Variants in PCNX4 observed in about 807,000 individuals in gnomAD.
PCNX4 encodes the protein pecanex 4.
Under a neutral mutation model 107.2 loss-of-function variants are expected in PCNX4, and 103 were observed. The ratio of observed to expected loss-of-function variants is 0.96; its 90% CI spans 0.82 to 1.13. The LOEUF is 1.13. Among genes scored for constraint, PCNX4 ranks in the 50% most tolerant of loss-of-function variants. The pLI is 0.00. For missense variants in PCNX4, 1,528 were observed against 1,379.4 expected (o/e 1.11, Z -1.71); for synonymous variants, 541 against 481.7 (o/e 1.12, Z -1.61).
In PCNX4 at chr14:60,114,854, G is replaced by A. The variant is rs772105823; in HGVS notation, c.844G>A (p.Gly282Ser). 1.5e-5 allele frequency: 24 copies of A among 1,612,700 alleles called. No homozygotes were observed. Among genetic ancestry groups the A allele is most frequent in the Non-Finnish European group, 2.0e-5 (24 of 1,179,430 alleles). Residue 282 changes from glycine to serine, a missense_variant, in exon 3 of 11, where the codon GGC becomes AGC. By Grantham distance (56) the Gly-to-Ser change is moderately conservative. Transcript: ENST00000406854. ...GCAGGTTTTAGAGTTCGGCCTTGGA[G>A]GCTCATCTATGTCAACCCACTTACG... Reference protein sequence around the residue: ...MEQVLEFGLGGSSMSTHLRLL... With the variant: ...MEQVLEFGLGSSSMSTHLRLL...
Position 60,115,184 on chromosome 14 carries a change from C to G in PCNX4, c.1080C>G (p.Ile360Met). 6.2e-7 allele frequency: 1 copy of G among 1,613,474 alleles called. No individual in the cohort carries two copies. Among genetic ancestry groups the G allele is most frequent in the Non-Finnish European group, 8.5e-7 (1 of 1,179,456 alleles). ...CATGGAAGGAATGCCTTTTCTACAT[C>G]ATTATATTAGTCTTGGCTCTTTTAG... is the stretch of plus-strand genomic sequence containing the variant. ...HFSWKECLFY[I>M]IILVLALLET... is the part of the protein sequence containing the mutation. The change falls in exon 4 of 11, where the codon ATC (isoleucine) becomes ATG (methionine). Residue 360 changes from isoleucine to methionine, a missense_variant. By Grantham distance (10) the Ile-to-Met change is conservative. Coordinates refer to ENST00000406854, the MANE Select transcript of PCNX4 (RefSeq NM_001330177.2).
chr14:60,133,594 A>G (rs1025747075), intron 10 of PCNX4: 1 of 450,742 alleles, frequency 2.2e-6, no homozygotes, highest in Admixed American at 2.6e-5. Flanking sequence ...TGGAATGTGA[A>G]TTATATCTCA....
At position 60,118,408 on chromosome 14, in the gene PCNX4, C is replaced by T. The variant is rs369608124; in HGVS notation, c.1658C>T (p.Thr553Ile). The stretch of plus-strand genomic sequence containing the variant: ...GTGACTGTGCTTTTGACATCATGGA[C>T]AGAGAAAAAACAACGTCGAAAAACA... ...FAVTVLLTSW[T>I]EKKQRRKTTA... is the part of the protein sequence containing the mutation. Residue 553 changes from threonine to isoleucine, a missense_variant, in exon 7 of 11, where the codon ACA becomes ATA. Thr to Ile is a moderately conservative substitution (Grantham distance 89). Coordinates refer to ENST00000406854, the MANE Select transcript of PCNX4 (RefSeq NM_001330177.2). 10 of 1,613,256 alleles carry T rather than the reference C, an allele frequency of 6.2e-6. No individual in the cohort carries two copies. Among genetic ancestry groups the T allele is most frequent in the African/African-American group, 1.3e-5 (1 of 74,906 alleles).
chr14:60,114,616 GTTA>G (rs1895804452), intron 2 of PCNX4, 81 bp from the exon 3 acceptor site: 6 of 1,150,384 alleles, frequency 5.2e-6, no homozygotes, highest in Non-Finnish European at 7.3e-6. Flanking sequence ...GGAGTGTGTT[GTTA>G]TTCTGTGTTG....
At chr14:60,110,077 A>G (rs1392369697) in intron 2 of PCNX4, 1 of 167,106 alleles carries the variant, frequency 6.0e-6, no homozygotes, top group Non-Finnish European at 1.5e-5. Context: ...AAACATGAGA[A>G]AGCATATTCT....
At chr14:60,094,104 CAT>C (rs992286252) in intron 1 of PCNX4, among the ~76,000 whole-genome samples, 1 of 151,710 alleles carries the variant, frequency 6.6e-6, no homozygotes, top group South Asian at 2.1e-4. Context: ...AGCTATAAGT[CAT>C]ATATATATAT....
At chr14:60,111,793 G>A (rs1895745319) in intron 2 of PCNX4, among the ~76,000 whole-genome samples, 1 of 152,080 alleles carries the variant, frequency 6.6e-6, no homozygotes, top group Non-Finnish European at 1.5e-5. Flanking sequence ...ATTACAAAGA[G>A]TTTTTTGTTT....
At chr14:60,101,922 T>C (rs1895539799) in intron 1 of PCNX4, among the ~76,000 whole-genome samples, 1 of 152,210 alleles carries the variant, frequency 6.6e-6, no homozygotes, top group Non-Finnish European at 1.5e-5. Flanking sequence ...CCATGCCATA[T>C]GTAACAACAG....
rs775725211 is a variant in PCNX4, at chr14:60,124,600, TAGAC to T, written c.2432_2435del (p.Asp811ValfsTer2). 2.5e-4 allele frequency: 397 copies of T among 1,613,670 alleles called. 1 individual carries two copies. The highest frequency in any genetic ancestry group is 3.3e-4 in the Non-Finnish European group (384 of 1,179,782). ...CCACCTCCCAAATCCCCAGAAGACA[TAGAC>T]AGTTTAAATTCAGAAACTTTTAATG... On this transcript the variant is annotated frameshift_variant, in exon 9 of 11. Coordinates refer to ENST00000406854, the MANE Select transcript of PCNX4 (RefSeq NM_001330177.2). LOFTEE classifies it high-confidence loss of function.
rs935408491 is a variant in PCNX4 at position 60,144,720 on chromosome 14, A to G, written c.*10499A>G. 2.3e-5 allele frequency: 9 copies of G among 383,608 alleles called. No homozygotes were observed. The highest frequency in any genetic ancestry group is 8.7e-5 in the Admixed American group (2 of 22,918). The allele number at this position is 383,608 out of a possible 1,614,324, so 23.8% of individuals were successfully genotyped here. A position where few individuals can be genotyped will look rare whatever the true frequency, so the allele number is the denominator to read the frequency against. Reference sequence around the variant, plus strand: ...ATCTGTTAACTTAGATTTTAAGCATATGTGCTAAAGTATTTTAAAAGGTTA... The same window carrying G: ...ATCTGTTAACTTAGATTTTAAGCATGTGTGCTAAAGTATTTTAAAAGGTTA... On this transcript the variant is annotated 3_prime_UTR_variant, in exon 11 of 11. Coordinates refer to ENST00000406854, the MANE Select transcript of PCNX4 (RefSeq NM_001330177.2).
rs1249726696 is a variant in PCNX4 at position 60,145,874 on chromosome 14, T to G, written c.*11653T>G. 6.6e-6 allele frequency: 1 copy of G among 151,840 alleles called. No individual in the cohort carries two copies. Among genetic ancestry groups the G allele is most frequent in the East Asian group, 1.9e-4 (1 of 5,190 alleles). 9.4% of individuals were successfully genotyped at this position (151,840 alleles called of 1,614,324 possible). ...AATTCAGTGTAGCCACTGTTCTTGA[T>G]CCCTAAAAATAATAAAGATTCATAA... On this transcript the variant is annotated 3_prime_UTR_variant, in exon 11 of 11. Coordinates refer to ENST00000406854, the MANE Select transcript of PCNX4 (RefSeq NM_001330177.2). This position sits in a 1 kb window ranked among gnomAD's most constrained non-coding sequence, Gnocchi z 4.0.
Position 60,135,541 on chromosome 14 carries a change from A to G in PCNX4, c.*1320A>G, listed in dbSNP as rs1405691791. ...AATATTTTCTCATGTCGTTAAAAGT[A>G]CTTGTAATTATCAGCTTTTTTTTTT... On this transcript the variant is annotated 3_prime_UTR_variant, in exon 11 of 11. Transcript: ENST00000406854. The G allele has an allele frequency of 6.6e-6, 1 of 151,286 alleles. No individual in the cohort carries two copies. The highest frequency in any genetic ancestry group is 1.9e-4 in the East Asian group (1 of 5,196). The allele number at this position is 151,286 out of a possible 1,614,324, so 9.4% of individuals were successfully genotyped here.
chr14:60,103,611 C>T (rs947255222), intron 1 of PCNX4, among the ~76,000 whole-genome samples: 3 of 152,198 alleles, frequency 2.0e-5, no homozygotes, highest in Non-Finnish European at 4.4e-5. Flanking sequence ...GCTTCTTGGT[C>T]TGCTTTCACT....
rs763686044 is a variant in PCNX4, at chr14:60,118,540, C to T, written c.1790C>T (p.Pro597Leu). 57 of 1,613,694 alleles carry T rather than the reference C, an allele frequency of 3.5e-5. No homozygotes were observed. The highest frequency in any genetic ancestry group is 4.6e-5 in the Non-Finnish European group (54 of 1,179,858). Reference protein sequence around the residue: ...SSPLLPLFTLPVFLVGFPRPI... With the variant: ...SSPLLPLFTLLVFLVGFPRPI... ...CCCTTACTCCCTCTTTTCACCCTTC[C>T]TGTGTTCTTGGTGGGGTTTCCCCGA... The change falls in exon 7 of 11, where the codon CCT becomes CTT. Residue 597 changes from proline to leucine, a missense_variant. Pro to Leu is a moderately conservative substitution (Grantham distance 98, BLOSUM62 -3). Transcript: ENST00000406854.
In PCNX4 at chr14:60,107,624, T is replaced by C; in HGVS notation, c.-15T>C. 7.6e-6 allele frequency: 12 copies of C among 1,583,112 alleles called. No individual in the cohort carries two copies. Among genetic ancestry groups the C allele is most frequent in the African/African-American group, 1.4e-5 (1 of 73,748 alleles). ...ACAGAAAAGCATGTGACTTTCAGAA[T>C]AATCCCGAGTGAGGATGAGTCCAGA... On this transcript the variant is annotated 5_prime_UTR_variant, in exon 2 of 11. Transcript: ENST00000406854.
chr14:60,104,667 CGA>C (rs1895597560), intron 1 of PCNX4, among the ~76,000 whole-genome samples: 1 of 152,136 alleles, frequency 6.6e-6, no homozygotes. Context: ...TGGCAGCAGA[CGA>C]GAGAAAATCA....
chr14:60,124,425 A>T lies in PCNX4; in HGVS notation c.2254A>T (p.Asn752Tyr). ...VLSGIIDSHE[N>Y]LKEFKGDLIK... ...ATCAGGCATAATTGATTCTCATGAA[A>T]ACTTAAAAGAATTTAAAGGTGACCT... Residue 752 changes from asparagine to tyrosine, a missense_variant, in exon 9 of 11, where the codon AAC becomes TAC. Physicochemically the swap from Asn to Tyr is moderately radical, Grantham distance 143. Coordinates refer to ENST00000406854, the MANE Select transcript of PCNX4 (RefSeq NM_001330177.2). 6.2e-7 allele frequency: 1 copy of T among 1,613,628 alleles called. No homozygotes were observed. The highest frequency in any genetic ancestry group is 8.5e-7 in the Non-Finnish European group (1 of 1,179,698).
chr14:60,131,130 C>T (rs927725002), intron 10 of PCNX4, among the ~76,000 whole-genome samples: 4 of 152,264 alleles, frequency 2.6e-5, no homozygotes, highest in Middle Eastern at 6.8e-3. Flanking sequence ...TCTTGGACCT[C>T]CCAGCCTCTA....
At chr14:60,120,616 C>A (rs1321738609) in intron 7 of PCNX4, among the ~76,000 whole-genome samples, 3 of 152,016 alleles carry the variant, frequency 2.0e-5, no homozygotes, top group Non-Finnish European at 4.4e-5. Context: ...AAAAGTTTAT[C>A]AATAAGGAAA....
Sources: allele counts gnomAD v4.1 joint callset (sites outside exome capture counted in the v4.1 genomes callset), GRCh38; gene constraint gnomAD v4.1.1; non-coding constraint Gnocchi (gnomAD v3.1); transcripts MANE v1.5; gene names NCBI Gene and HGNC (gene_info 2026-07-23, HGNC 2026-07-21).